The following TANGO6 variants were observed in gnomAD, a reference collection of about 807,000 sequenced individuals.
TANGO6 encodes the protein transport and golgi organization 6 homolog.
Under a neutral mutation model 114.2 loss-of-function variants are expected in TANGO6, and 90 were observed. The observed-to-expected ratio is 0.79, with a 90% CI of 0.66 to 0.94. The LOEUF is 0.94. Ranked by LOEUF, TANGO6 falls within the 40% of genes least tolerant of loss-of-function variation. TANGO6 has a pLI of 0.00. For missense variants in TANGO6, 1,274 were observed against 1,315.3 expected, an observed-to-expected ratio of 0.97 and a Z score of 0.49; for synonymous variants, 477 against 509.8, an observed-to-expected ratio of 0.94 and a Z score of 0.87.
intron 17 of TANGO6, among the ~76,000 whole-genome samples, chr16:69,048,715 A>T (rs1248680077): frequency 6.6e-6 from 1 of 152,160 alleles, no homozygotes; most frequent in Admixed American, 6.6e-5. Flanking sequence ...CTTCTCTGTG[A>T]GAGAGAAGGC....
chr16:68,967,156 C>A (rs1343058055), intron 14 of TANGO6, among the ~76,000 whole-genome samples: 1 of 152,138 alleles, frequency 6.6e-6, no homozygotes, highest in Non-Finnish European at 1.5e-5. Flanking sequence ...GGCCCCCAAC[C>A]TTTTGGGCAC....
intron 1 of TANGO6, among the ~76,000 whole-genome samples, chr16:68,858,757 A>C (rs2152156207): frequency 6.6e-6 from 1 of 152,264 alleles, no homozygotes; most frequent in Middle Eastern, 3.4e-3. Flanking sequence ...TACTGAGACT[A>C]CAGATGTCAG....
intron 14 of TANGO6, among the ~76,000 whole-genome samples, chr16:68,930,839 G>A (rs767879353): frequency 1.3e-5 from 2 of 152,098 alleles, no homozygotes; most frequent in South Asian, 4.2e-4. Flanking sequence ...GTTTCACCAT[G>A]TTAGTCAGGC....
At position 69,083,895 on chromosome 16, in the gene TANGO6, C is replaced by T. The variant is rs987744105; in HGVS notation, c.*234C>T. ...GTTAAGAGAAGACAGTTACAGATCTCATTAATCTACATTTTTCACTGTCCT... is the reference window on the plus strand; with the variant it reads ...GTTAAGAGAAGACAGTTACAGATCTTATTAATCTACATTTTTCACTGTCCT... On this transcript the variant is annotated 3_prime_UTR_variant, in exon 18 of 18. Transcript: ENST00000261778. The T allele has an allele frequency of 9.8e-6, 4 of 409,026 alleles. No individual in the cohort carries two copies. The highest frequency in any genetic ancestry group is 1.7e-5 in the Non-Finnish European group (4 of 229,138). The allele number at this position is 409,026 out of a possible 1,614,324, so 25.3% of individuals were successfully genotyped here.
At chr16:69,076,018 C>T (rs947325103) in intron 17 of TANGO6, among the ~76,000 whole-genome samples, 2 of 151,014 alleles carry the variant, frequency 1.3e-5, no homozygotes, top group South Asian at 2.1e-4. Flanking sequence ...CCACCTCGCC[C>T]TCCCAAAGTG....
chr16:69,003,406 A>G (rs1288963145), intron 15 of TANGO6, among the ~76,000 whole-genome samples: 1 of 152,230 alleles, frequency 6.6e-6, no homozygotes, highest in East Asian at 1.9e-4. Flanking sequence ...GGCCACCATC[A>G]CAAAAGAGCA....
intron 14 of TANGO6, among the ~76,000 whole-genome samples, chr16:68,952,590 A>G (rs1482733837): frequency 6.6e-6 from 1 of 152,228 alleles, no homozygotes; most frequent in African/African-American, 2.4e-5. Context: ...TTTTAACTGA[A>G]TGAAGCATCA....
intron 14 of TANGO6, among the ~76,000 whole-genome samples, chr16:68,970,246 G>A (rs1486559700): frequency 6.6e-6 from 1 of 152,226 alleles, no homozygotes; most frequent in African/African-American, 2.4e-5. Flanking sequence ...AGAGAGAGTA[G>A]ATGCTAGGTG....
At chr16:69,025,184 T>C (rs1305318316) in intron 16 of TANGO6, among the ~76,000 whole-genome samples, 1 of 152,224 alleles carries the variant, frequency 6.6e-6, no homozygotes, top group African/African-American at 2.4e-5. Context: ...AGCTCACCTG[T>C]GTTATAGCTT....
chr16:69,079,377 C>T (rs995314531), intron 17 of TANGO6, among the ~76,000 whole-genome samples: 13 of 151,360 alleles, frequency 8.6e-5, no homozygotes, highest in East Asian at 1.9e-4. Context: ...AATAAAGAAA[C>T]CGCATAGTAT....
In TANGO6 at chr16:69,040,421, G is replaced by GTCA; in HGVS notation, c.3108_3108+1insTCA (p.Glu1036_Val1037insSer). On this transcript the variant is annotated inframe_insertion and splice_region_variant. Transcript: ENST00000261778. ...GGGGACTCAGCCAGAAAGCTACTGA[G>GTCA]GTCAGTCCGTCTCTCGCCCTTTGCA... 1 of 1,596,324 alleles carries GTCA rather than the reference G, an allele frequency of 6.3e-7. No individual in the cohort carries two copies. The highest frequency in any genetic ancestry group is 8.5e-7 in the Non-Finnish European group (1 of 1,171,244).
At chr16:69,027,157 C>T (rs763293841) in intron 16 of TANGO6, among the ~76,000 whole-genome samples, 5 of 152,128 alleles carry the variant, frequency 3.3e-5, no homozygotes, top group Admixed American at 6.6e-5. Flanking sequence ...CCACCGCGCC[C>T]GGGCCTGAGA....
intron 15 of TANGO6, among the ~76,000 whole-genome samples, chr16:68,983,583 A>C (rs937742121): frequency 3.9e-5 from 6 of 152,124 alleles, no homozygotes; most frequent in African/African-American, 1.4e-4. Flanking sequence ...CGGCCCATGG[A>C]GGGAGAGGCC....
At chr16:69,071,393 G>C (rs954458401) in intron 17 of TANGO6, among the ~76,000 whole-genome samples, 3 of 152,124 alleles carry the variant, frequency 2.0e-5, no homozygotes, top group African/African-American at 7.2e-5. Flanking sequence ...AAAAACCTCT[G>C]CTAGATCACC....
chr16:68,901,991 C>A (rs1283700597), intron 8 of TANGO6, among the ~76,000 whole-genome samples: 1 of 151,342 alleles, frequency 6.6e-6, no homozygotes, highest in African/African-American at 2.4e-5. Context: ...TGATTTTTAT[C>A]CGTGTATACT....
At chr16:68,993,642 T>C (rs1963964904) in intron 15 of TANGO6, among the ~76,000 whole-genome samples, 2 of 152,344 alleles carry the variant, frequency 1.3e-5, no homozygotes, top group Admixed American at 6.5e-5. Context: ...ACAGGCTTCC[T>C]GATTTGTGTT....
chr16:69,065,589 C>G (rs1233476147), intron 17 of TANGO6, among the ~76,000 whole-genome samples: 3 of 152,172 alleles, frequency 2.0e-5, no homozygotes, highest in Non-Finnish European at 4.4e-5. Flanking sequence ...TGCCATTTAT[C>G]TCTAGGTCTA....
At chr16:69,020,318 T>C (rs1392564355) in intron 15 of TANGO6, among the ~76,000 whole-genome samples, 1 of 152,198 alleles carries the variant, frequency 6.6e-6, no homozygotes, top group Non-Finnish European at 1.5e-5. Context: ...CATGACTGTA[T>C]ATGCAAAGAC....
chr16:69,002,832 A>G (rs1964056173), intron 15 of TANGO6, among the ~76,000 whole-genome samples: 1 of 152,058 alleles, frequency 6.6e-6, no homozygotes, highest in African/African-American at 2.4e-5. Context: ...ACCTGAGGTC[A>G]GAAGTTCGGG....
Sources: allele counts gnomAD v4.1 joint callset (sites outside exome capture counted in the v4.1 genomes callset), GRCh38; gene constraint gnomAD v4.1.1; transcripts MANE v1.5; gene names NCBI Gene and HGNC (gene_info 2026-07-23, HGNC 2026-07-21).